The following FER variants were observed in gnomAD, a reference collection of about 807,000 sequenced individuals.
FER encodes the protein FER tyrosine kinase, also known as tyrosine-protein kinase Fer.
In FER, 63 loss-of-function variants were observed where a neutral mutation model predicts 111.0. The observed-to-expected ratio is 0.57, with a 90% CI of 0.46 to 0.70. FER has a LOEUF of 0.70. Among genes scored for constraint, FER ranks in the 30% least tolerant of loss-of-function variants. The pLI is 0.00. For missense variants in FER, 914 were observed against 954.0 expected, an observed-to-expected ratio of 0.96 and a Z score of 0.55; for synonymous variants, 327 against 313.9, an observed-to-expected ratio of 1.04 and a Z score of -0.44.
intron 5 of FER, among the ~76,000 whole-genome samples, chr5:108,866,513 C>G (rs1372654358): frequency 1.3e-5 from 2 of 151,638 alleles, no homozygotes; most frequent in Non-Finnish European, 2.9e-5. Context: ...TGCCACACAC[C>G]AACGTGGCAC....
chr5:108,908,889 T>A (rs1337178648), intron 10 of FER, among the ~76,000 whole-genome samples: 2 of 151,778 alleles, frequency 1.3e-5, no homozygotes, highest in Non-Finnish European at 2.9e-5. Context: ...AAGTAAAAAA[T>A]TAGCTGGGTG....
At chr5:108,972,992 A>C (rs1581461461) in intron 13 of FER, among the ~76,000 whole-genome samples, 1 of 152,200 alleles carries the variant, frequency 6.6e-6, no homozygotes, top group African/African-American at 2.4e-5. Context: ...TTCTGGTTGC[A>C]CTCTTATTCA....
At chr5:108,809,801 G>A (rs1237763566) in intron 3 of FER, among the ~76,000 whole-genome samples, 2 of 152,162 alleles carry the variant, frequency 1.3e-5, no homozygotes, top group East Asian at 3.9e-4. Context: ...GGGCTCAAGT[G>A]ATCCTCCTGC....
rs1764661519 is a variant in FER, at chr5:108,872,162, G to A, written c.873G>A (p.Gln291=). 2.5e-6 allele frequency: 4 copies of A among 1,611,504 alleles called. No homozygotes were observed. The highest frequency in any genetic ancestry group is 2.5e-6 in the Non-Finnish European group (3 of 1,178,764). The stretch of plus-strand genomic sequence containing the variant: ...TACTGGAAGAAAATGAAAATCTTCA[G>A]GCAAATGAGATCATGTGGAATAACT... ...TSLLEENENL[Q]ANEIMWNNLT... The change falls in exon 8 of 20, where the codon CAG becomes CAA. Residue 291 remains glutamine, a synonymous_variant. Coordinates refer to ENST00000281092, the MANE Select transcript of FER (RefSeq NM_005246.4).
chr5:108,954,588 T>C (rs1758185034), intron 11 of FER, 141 bp from the exon 12 acceptor site: 1 of 611,074 alleles, frequency 1.6e-6, no homozygotes, highest in Non-Finnish European at 2.7e-6. Flanking sequence ...CAAAAGATAT[T>C]TTAGGTTTAT....
chr5:108,949,585 A>G (rs1486113460), intron 11 of FER, among the ~76,000 whole-genome samples: 1 of 152,092 alleles, frequency 6.6e-6, no homozygotes, highest in Non-Finnish European at 1.5e-5. Flanking sequence ...TCTATTGTTT[A>G]TATGTTTGCT....
intron 10 of FER, among the ~76,000 whole-genome samples, chr5:108,942,063 T>C (rs78449632): frequency 9.1e-4 from 139 of 152,236 alleles, no homozygotes; most frequent in African/African-American, 3.2e-3. Flanking sequence ...CTCCTGCTTA[T>C]GCTATGAACC....
chr5:109,168,387 G>A (rs1240957224), intron 17 of FER, among the ~76,000 whole-genome samples: 1 of 152,130 alleles, frequency 6.6e-6, no homozygotes, highest in Non-Finnish European at 1.5e-5. Flanking sequence ...TGACTGGAGG[G>A]TTGGGACTTT....
At position 108,970,660 on chromosome 5, in the gene FER, A is replaced by G. The variant is rs140975890; in HGVS notation, c.1656+11313A>G. Among the ~76,000 whole-genome samples the G allele has an allele frequency of 8.1e-4, 123 of 152,298 alleles. 1 individual carries two copies. The highest frequency in any genetic ancestry group is 2.8e-3 in the African/African-American group (117 of 41,570). ...AGTATGTGTTACGGGAATTCAGAAG[A>G]GAGGAAAAAATTGGCTGGGAATGGT... is the stretch of plus-strand genomic sequence containing the variant. On this transcript the variant is annotated intron_variant, in intron 13 of 19. Coordinates refer to ENST00000281092, the MANE Select transcript of FER (RefSeq NM_005246.4).
At chr5:108,806,640 G>A (rs577447158) in intron 3 of FER, among the ~76,000 whole-genome samples, 200 of 152,312 alleles carry the variant, frequency 1.3e-3, no homozygotes, top group African/African-American at 4.3e-3. Flanking sequence ...AGTCAAAGGA[G>A]ATCATTTTGG....
At position 109,189,990 on chromosome 5, in the gene FER, T is replaced by G. The variant is rs1398994973; in HGVS notation, c.*2415T>G. On this transcript the variant is annotated 3_prime_UTR_variant, in exon 20 of 20. Coordinates refer to ENST00000281092, the MANE Select transcript of FER (RefSeq NM_005246.4). ...GTCCTAAAGCAGGCAGTGGTATAGT[T>G]CAGGATTAATAACTTATTGGGAGTC... 1 of 152,212 alleles carries G rather than the reference T, an allele frequency of 6.6e-6. No individual in the cohort carries two copies. The highest frequency in any genetic ancestry group is 1.5e-5 in the Non-Finnish European group (1 of 68,028). 9.4% of individuals were successfully genotyped at this position (152,212 alleles called of 1,614,324 possible).
intron 13 of FER, among the ~76,000 whole-genome samples, chr5:108,959,697 T>C (rs1204665456): frequency 6.6e-6 from 1 of 152,038 alleles, no homozygotes; most frequent in Non-Finnish European, 1.5e-5. Context: ...AAAGAAAATG[T>C]CTAGCAGTTA....
intron 1 of FER, among the ~76,000 whole-genome samples, chr5:108,761,073 G>T (rs983022118): frequency 6.6e-6 from 1 of 152,010 alleles, no homozygotes; most frequent in Non-Finnish European, 1.5e-5. Context: ...TGGGATTACA[G>T]GTGCCCGCCA....
rs556890384 is a variant in FER at position 109,135,965 on chromosome 5, A to G, written c.2048+35446A>G. ...GTCTACCCATAAAGCATATACTGCTATAAGATTGAGCCAGGCACAGTGGCT... is the reference window on the plus strand; with the variant it reads ...GTCTACCCATAAAGCATATACTGCTGTAAGATTGAGCCAGGCACAGTGGCT... On this transcript the variant is annotated intron_variant, in intron 17 of 19. Transcript: ENST00000281092. Among the ~76,000 whole-genome samples the G allele has an allele frequency of 3.3e-5, 5 of 152,192 alleles. 1 individual carries two copies. Among genetic ancestry groups the G allele is most frequent in the African/African-American group, 7.2e-5 (3 of 41,556 alleles).
At chr5:109,169,290 A>G (rs1756859851) in intron 17 of FER, among the ~76,000 whole-genome samples, 1 of 152,204 alleles carries the variant, frequency 6.6e-6, no homozygotes, top group Admixed American at 6.6e-5. Context: ...AGATAAAGAA[A>G]GCTTTCCTGA....
chr5:109,037,574 C>T, intron 14 of FER, 96 bp downstream of exon 14: 2 of 902,444 alleles, frequency 2.2e-6, no homozygotes, highest in Non-Finnish European at 3.6e-6. Flanking sequence ...CTTATATTGC[C>T]ACAAGGCACA....
intron 10 of FER, among the ~76,000 whole-genome samples, chr5:108,922,919 ATTGCATAGTTTCTGGAACAAAG>A (rs951980929): frequency 1.3e-5 from 2 of 152,186 alleles, no homozygotes; most frequent in African/African-American, 4.8e-5. Flanking sequence ...ATAGTAGTTA[ATTGCATAGTTTCTGGAACAAAG>A]TTGCATAGTT....
intron 17 of FER, among the ~76,000 whole-genome samples, chr5:109,107,714 C>A (rs1749110357): frequency 6.6e-6 from 1 of 152,026 alleles, no homozygotes; most frequent in African/African-American, 2.4e-5. Context: ...AGTCAGGGAC[C>A]AAGGCAGGAT....
chr5:108,825,079 G>C (rs747893182), intron 3 of FER, among the ~76,000 whole-genome samples: 11 of 152,150 alleles, frequency 7.2e-5, no homozygotes, highest in Non-Finnish European at 1.3e-4. Flanking sequence ...TGGAGGCAGG[G>C]CGAGATCACA....
Sources: allele counts gnomAD v4.1 joint callset (sites outside exome capture counted in the v4.1 genomes callset), GRCh38; gene constraint gnomAD v4.1.1; transcripts MANE v1.5; gene names NCBI Gene and HGNC (gene_info 2026-07-23, HGNC 2026-07-21).